The following TRMT5 variants were observed in gnomAD, a reference collection of about 807,000 sequenced individuals.
The protein encoded by TRMT5 is tRNA methyltransferase 5.
TRMT5 carries 31 observed loss-of-function variants against 42.2 expected under a neutral mutation model. That is an observed-to-expected ratio of 0.73 (90% CI 0.55 to 0.99). The LOEUF (loss-of-function observed/expected upper bound fraction) is 0.99, where lower values mean the gene tolerates loss of function less well. Among genes scored for constraint, TRMT5 ranks in the 50% least tolerant of loss-of-function variants. The pLI, the probability that TRMT5 is intolerant of heterozygous loss-of-function variation, is 0.00. For synonymous variants in TRMT5, 198 were observed against 209.6 expected, an observed-to-expected ratio of 0.94 and a Z score of 0.48; for missense variants, 568 against 595.0, an observed-to-expected ratio of 0.95 and a Z score of 0.47.
rs972716002 is a variant in TRMT5, at chr14:60,975,009, G to C, written c.*100C>G. ...TTTGTAAAATAAGGCAAAGTACAAG[G>C]GTTCAATAGTAAAAACCAAACCCTA... On this transcript the variant is annotated 3_prime_UTR_variant, in exon 5 of 5. Coordinates refer to ENST00000261249, the MANE Select transcript of TRMT5 (RefSeq NM_020810.3). The C allele has an allele frequency of 1.1e-6, 1 of 870,724 alleles. No individual in the cohort carries two copies. The allele number at this position is 870,724 out of a possible 1,614,324, so 53.9% of individuals were successfully genotyped here.
In TRMT5 at chr14:60,975,703, G is replaced by T; in HGVS notation, c.1216C>A (p.Gln406Lys). 1 of 1,614,178 alleles carries T rather than the reference G, an allele frequency of 6.2e-7. No individual in the cohort carries two copies. The highest frequency in any genetic ancestry group is 8.5e-7 in the Non-Finnish European group (1 of 1,180,048). Residue 406 changes from glutamine (Q) to lysine (K), a missense_variant, in exon 4 of 5, where the codon CAG becomes AAG. Gln to Lys is a moderately conservative substitution (Grantham distance 53). Transcript: ENST00000261249. ...GGAAGGAACTCACTGCTGCATGGCT[G>T]CCCATCTAAAAGCCACTTGAAAGCA... ...LSAFKWLLDGQPCSSEFLPIV... is the reference protein window; with the variant it reads ...LSAFKWLLDGKPCSSEFLPIV...
chr14:60,981,154 C>T (rs2036976534), upstream of TRMT5: 4 of 1,541,036 alleles, frequency 2.6e-6, no homozygotes, highest in South Asian at 2.4e-5. Context: ...CTTCCAGGCC[C>T]TGGTGAAGTA....
chr14:60,980,994 T>C lies in TRMT5; in HGVS notation c.-21A>G, dbSNP rs1300317180. On this transcript the variant is annotated 5_prime_UTR_variant, in exon 1 of 5. Coordinates refer to ENST00000261249, the MANE Select transcript of TRMT5 (RefSeq NM_020810.3). ...ACCATTCCAATTCCCCACGTCGCTC[T>C]GCAGCTGGATCCGCGAGCCGACCCC... 3.7e-6 allele frequency: 6 copies of C among 1,610,824 alleles called. No homozygotes were observed. The African/African-American group carries it at 5.3e-5, about 14-fold the overall frequency.
rs1594930845 is a variant in TRMT5, at chr14:60,980,732, T to G, written c.11+231A>C. On this transcript the variant is annotated intron_variant, in intron 1 of 4. Coordinates refer to ENST00000261249, the MANE Select transcript of TRMT5 (RefSeq NM_020810.3). ...AAATTGGTTCTAGCAGCTGACCAGCTGGGTGACCCTGGATAAATTACTATA... is the reference window on the plus strand; with the variant it reads ...AAATTGGTTCTAGCAGCTGACCAGCGGGGTGACCCTGGATAAATTACTATA... The G allele has an allele frequency of 4.7e-6, 3 of 633,800 alleles. No individual in the cohort carries two copies. In the East Asian group the frequency reaches 8.3e-5, roughly 17 times the overall value. 39.3% of individuals were successfully genotyped at this position (633,800 alleles called of 1,614,324 possible).
At chr14:60,976,816 T>C (rs1017021266) in intron 3 of TRMT5, among the ~76,000 whole-genome samples, 4 of 152,178 alleles carry the variant, frequency 2.6e-5, no homozygotes, top group African/African-American at 9.7e-5. Flanking sequence ...CAAAAGACTT[T>C]TTAACGTTTC....
chr14:60,981,346 A>G (rs2036995123), upstream of TRMT5: 1 of 1,609,904 alleles, frequency 6.2e-7, no homozygotes, highest in African/African-American at 1.3e-5. Context: ...AGCCTGAAGA[A>G]GCGGAGGCCG....
chr14:60,979,788 G>A lies in TRMT5; in HGVS notation c.110C>T (p.Ser37Phe). Reference sequence around the variant, plus strand: ...TGCTTCCAAAAGCATCTGTGTCAGGGATGTCCAAGCTACTGGAATCAACGA... The same window carrying A: ...TGCTTCCAAAAGCATCTGTGTCAGGAATGTCCAAGCTACTGGAATCAACGA... ...SKSLIPVAWT[S>F]LTQMLLEAPG... Residue 37 changes from serine (S) to phenylalanine (F), a missense_variant, in exon 2 of 5, where the codon TCC (serine) becomes TTC (phenylalanine). Coordinates refer to ENST00000261249, the MANE Select transcript of TRMT5 (RefSeq NM_020810.3). The A allele has an allele frequency of 2.5e-6, 4 of 1,613,782 alleles. No homozygotes were observed. Among genetic ancestry groups the A allele is most frequent in the Non-Finnish European group, 3.4e-6 (4 of 1,179,980 alleles).
chr14:60,978,736 C>T (rs1206188884), intron 2 of TRMT5, among the ~76,000 whole-genome samples: 1 of 152,108 alleles, frequency 6.6e-6, no homozygotes, highest in Non-Finnish European at 1.5e-5. Context: ...TTTATGTTAC[C>T]ACTATCCATT....
chr14:60,978,462 C>T (rs569766788), intron 2 of TRMT5, among the ~76,000 whole-genome samples: 111 of 152,212 alleles, frequency 7.3e-4, no homozygotes, highest in Middle Eastern at 3.4e-3. Context: ...TATCTGAACT[C>T]AACTTTTAAG....
At position 60,972,726 on chromosome 14, in the gene TRMT5, T is replaced by C. The variant is rs1594923404; in HGVS notation, c.*2383A>G. 4.2e-6 allele frequency: 1 copy of C among 238,020 alleles called. No homozygotes were observed. Among genetic ancestry groups the C allele is most frequent in the Non-Finnish European group, 8.3e-6 (1 of 120,892 alleles). The allele number at this position is 238,020 out of a possible 1,614,324, so 14.7% of individuals were successfully genotyped here. A position where few individuals can be genotyped will look rare whatever the true frequency, so the allele number is the denominator to read the frequency against. On this transcript the variant is annotated 3_prime_UTR_variant, in exon 5 of 5. Coordinates refer to ENST00000261249, the MANE Select transcript of TRMT5 (RefSeq NM_020810.3). ...AATGATTGCCTATTAATGGTTATCA[T>C]TAACCATCATTAACCATTAATACTA...
rs2036788599 is a variant in TRMT5 at position 60,972,436 on chromosome 14, T to C, written c.*2673A>G. The C allele has an allele frequency of 1.9e-6, 1 of 528,262 alleles. No individual in the cohort carries two copies. 32.7% of individuals were successfully genotyped at this position (528,262 alleles called of 1,614,324 possible). ...TCCTTCACCTTGGCTTTATCTCCTTTAGCATCCCCTTCAGTCTTTCTCTTG... is the reference window on the plus strand; with the variant it reads ...TCCTTCACCTTGGCTTTATCTCCTTCAGCATCCCCTTCAGTCTTTCTCTTG... On this transcript the variant is annotated 3_prime_UTR_variant, in exon 5 of 5. Coordinates refer to ENST00000261249, the MANE Select transcript of TRMT5 (RefSeq NM_020810.3).
At position 60,979,811 on chromosome 14, in the gene TRMT5, C is replaced by T. The variant is rs760305085; in HGVS notation, c.87G>A (p.Ser29=). 7 of 1,612,114 alleles carry T rather than the reference C, an allele frequency of 4.3e-6. No individual in the cohort carries two copies. In the Admixed American group the frequency reaches 6.7e-5, roughly 15 times the overall value. ...LESHSITESK[S]LIPVAWTSLT... is the part of the protein sequence containing the mutation. ...GGGATGTCCAAGCTACTGGAATCAA[C>T]GATTTTGATTCAGTTATGCTATGGC... Residue 29 remains serine (S), a synonymous_variant, in exon 2 of 5, where the codon TCG becomes TCA. Transcript: ENST00000261249.
At chr14:60,975,238 G>A in intron 4 of TRMT5, 44 bp from the exon 5 acceptor site, 3 of 1,505,916 alleles carry the variant, frequency 2.0e-6, no homozygotes, top group East Asian at 2.3e-5. Flanking sequence ...GATATTAACA[G>A]TTGAAAATAC....
Position 60,975,943 on chromosome 14 carries a change from T to A in TRMT5, c.976A>T (p.Asn326Tyr). Reference protein sequence around the residue: ...VAKKNCTVFANDLNPESHKWL... With the variant: ...VAKKNCTVFAYDLNPESHKWL... ...TTATGAGATTCAGGATTGAGATCAT[T>A]GGCAAATACAGTGCAGTTTTTCTTT... The change falls in exon 4 of 5, where the codon AAT becomes TAT. Residue 326 changes from asparagine to tyrosine, a missense_variant. Asn to Tyr is a moderately radical substitution (Grantham distance 143). Transcript: ENST00000261249. 6.2e-7 allele frequency: 1 copy of A among 1,614,220 alleles called. No individual in the cohort carries two copies. Among genetic ancestry groups the A allele is most frequent in the Non-Finnish European group, 8.5e-7 (1 of 1,180,042 alleles).
In TRMT5 at chr14:60,975,668, A is replaced by G. The variant is rs148709596; in HGVS notation, c.1251T>C (p.His417=). ...PCSSEFLPIV[H]CYSFSKDANP... ...TAGCATCTTTGGAAAAGCTATAACAATGCACTATGGGAAGGAACTCACTGC... is the reference window on the plus strand; with the variant it reads ...TAGCATCTTTGGAAAAGCTATAACAGTGCACTATGGGAAGGAACTCACTGC... The change falls in exon 4 of 5, where the codon CAT becomes CAC. Residue 417 remains histidine, a synonymous_variant. Coordinates refer to ENST00000261249, the MANE Select transcript of TRMT5 (RefSeq NM_020810.3). The G allele has an allele frequency of 1.3e-5, 21 of 1,614,056 alleles. No homozygotes were observed. The highest frequency in any genetic ancestry group is 1.7e-5 in the Non-Finnish European group (20 of 1,180,032).
Position 60,980,463 on chromosome 14 carries a change from C to T in TRMT5, c.11+500G>A, listed in dbSNP as rs80144044. ...AACATGGATTAAAACCTAGTTTTGA[C>T]TGACTTCGGTGCTTGTGTTCTTAAT... On this transcript the variant is annotated intron_variant, in intron 1 of 4. Coordinates refer to ENST00000261249, the MANE Select transcript of TRMT5 (RefSeq NM_020810.3). Among the ~76,000 whole-genome samples the T allele has an allele frequency of 4.1e-3, 619 of 152,322 alleles. 4 individuals carry two copies. The highest frequency in any genetic ancestry group is 6.5e-3 in the Non-Finnish European group (445 of 68,018).
At position 60,973,006 on chromosome 14, in the gene TRMT5, A is replaced by G. The variant is rs1271797404; in HGVS notation, c.*2103T>C. The G allele has an allele frequency of 6.6e-6, 1 of 152,210 alleles. No homozygotes were observed. Among genetic ancestry groups the G allele is most frequent in the Non-Finnish European group, 1.5e-5 (1 of 68,056 alleles). The allele number at this position is 152,210 out of a possible 1,614,324, so 9.4% of individuals were successfully genotyped here. On this transcript the variant is annotated 3_prime_UTR_variant, in exon 5 of 5. Coordinates refer to ENST00000261249, the MANE Select transcript of TRMT5 (RefSeq NM_020810.3). Reference sequence around the variant, plus strand: ...GTTAAATAGATTTTGAAACAGGGAAATTTCCTTTGCACTTGCACCTAGGTC... The same window carrying G: ...GTTAAATAGATTTTGAAACAGGGAAGTTTCCTTTGCACTTGCACCTAGGTC...
chr14:60,980,939 C>G lies in TRMT5; in HGVS notation c.11+24G>C, dbSNP rs1029322322. ...GCTGGTACCTCCCCTGGACCATTAG[C>G]CCCTAACGCGGCCGCCACCTCACCA... On this transcript the variant is annotated intron_variant, in intron 1 of 4. Coordinates refer to ENST00000261249, the MANE Select transcript of TRMT5 (RefSeq NM_020810.3). 5.0e-6 allele frequency: 8 copies of G among 1,612,520 alleles called. No individual in the cohort carries two copies. In the African/African-American group the frequency reaches 9.3e-5, roughly 19 times the overall value.
rs1020282107 is a variant in TRMT5, at chr14:60,973,238, CT to C, written c.*1870del. 55 of 152,266 alleles carry C rather than the reference CT, an allele frequency of 3.6e-4. No individual in the cohort carries two copies. Among genetic ancestry groups the C allele is most frequent in the African/African-American group, 1.3e-3 (53 of 41,556 alleles). The allele number at this position is 152,266 out of a possible 1,614,324, so 9.4% of individuals were successfully genotyped here. On this transcript the variant is annotated 3_prime_UTR_variant, in exon 5 of 5. Transcript: ENST00000261249. ...ATTCTTGCATTGCTATAAAGAAATA[CT>C]TGATACTGGGTAATTTATAAGAAAA...
Sources: gnomAD v4.1 joint callset for allele counts (sites outside exome capture counted in the v4.1 genomes callset) on GRCh38, gnomAD v4.1.1 for gene constraint, MANE v1.5 for transcripts, NCBI Gene and HGNC (gene_info 2026-07-23, HGNC 2026-07-21) for gene names.